The following FAM149B1 variants were observed in gnomAD, a reference collection of about 807,000 sequenced individuals.
FAM149B1 encodes the protein family with sequence similarity 149 member B1.
A neutral mutation model predicts 75.3 loss-of-function variants in FAM149B1; 56 were observed. The observed-to-expected ratio is 0.74, with a 90% CI of 0.60 to 0.93. The LOEUF (loss-of-function observed/expected upper bound fraction) is 0.93. Ranked by LOEUF, FAM149B1 falls within the 40% of genes least tolerant of loss-of-function variation. The probability of loss-of-function intolerance (pLI) is 0.00; values close to 1 mark genes in which losing one functional copy is unlikely to be tolerated. For missense variants in FAM149B1, 639 were observed against 708.4 expected, an observed-to-expected ratio of 0.90 and a Z score of 1.11; for synonymous variants, 259 against 256.1, an observed-to-expected ratio of 1.01 and a Z score of -0.11.
intron 5 of FAM149B1, among the ~76,000 whole-genome samples, chr10:73,194,520 G>A (rs769505022): frequency 2.0e-5 from 3 of 151,788 alleles, no homozygotes; most frequent in Non-Finnish European, 4.4e-5. Flanking sequence ...AGCCTCCCGA[G>A]TAGCTGGGAC....
chr10:73,233,209 AC>A, intron 10 of FAM149B1, 46 bp downstream of exon 10: 1 of 1,232,314 alleles, frequency 8.1e-7, no homozygotes, highest in Non-Finnish European at 1.2e-6. Context: ...TAAAACTAAC[AC>A]ATTTTACATA....
chr10:73,237,522 C>T (rs1312355454), intron 12 of FAM149B1, among the ~76,000 whole-genome samples: 1 of 151,414 alleles, frequency 6.6e-6, no homozygotes, highest in Non-Finnish European at 1.5e-5. Flanking sequence ...TGGGTTCAAT[C>T]GATTCTCCTG....
In FAM149B1 at chr10:73,243,204, C is replaced by T; in HGVS notation, c.*2185C>T. On this transcript the variant is annotated 3_prime_UTR_variant, in exon 14 of 14. Coordinates refer to ENST00000242505, the MANE Select transcript of FAM149B1 (RefSeq NM_173348.2). ...CCAAGTTCCTTCAGGTGAGACCTCA[C>T]ACAATGTCAAGTGCTTTCTAGGAAA... is the stretch of plus-strand genomic sequence containing the variant. 6 of 589,086 alleles carry T rather than the reference C, an allele frequency of 1.0e-5. No individual in the cohort carries two copies. Among genetic ancestry groups the T allele is most frequent in the Non-Finnish European group, 1.8e-5 (6 of 342,390 alleles). 36.5% of individuals were successfully genotyped at this position (589,086 alleles called of 1,614,324 possible).
At chr10:73,205,823 A>T (rs2043042323) in intron 5 of FAM149B1, among the ~76,000 whole-genome samples, 1 of 152,142 alleles carries the variant, frequency 6.6e-6, no homozygotes, top group African/African-American at 2.4e-5. Flanking sequence ...AAGTGCTGGG[A>T]TTATAGGTGT....
chr10:73,224,967 AAG>A (rs1330686864), intron 7 of FAM149B1, among the ~76,000 whole-genome samples: 15 of 152,316 alleles, frequency 9.8e-5, no homozygotes, highest in African/African-American at 3.6e-4. Context: ...ATGGTCTCAT[AAG>A]ATTATAATGG....
intron 10 of FAM149B1, 35 bp downstream of exon 10, chr10:73,233,198 GT>G: frequency 7.2e-7 from 1 of 1,392,138 alleles, no homozygotes; most frequent in Non-Finnish European, 1.0e-6. Context: ...GGAAACCGTG[GT>G]AAAACTAACA....
intron 7 of FAM149B1, among the ~76,000 whole-genome samples, chr10:73,213,177 G>T (rs2043225736): frequency 6.6e-6 from 1 of 151,896 alleles, no homozygotes; most frequent in Admixed American, 6.6e-5. Flanking sequence ...TTTTAAATAG[G>T]GTTATTTATT....
At chr10:73,170,837 G>A (rs538785363) in intron 1 of FAM149B1, among the ~76,000 whole-genome samples, 12 of 151,974 alleles carry the variant, frequency 7.9e-5, no homozygotes, top group Non-Finnish European at 1.6e-4. Flanking sequence ...AAGTGACTGA[G>A]GTTTAGCTAA....
At chr10:73,200,627 A>T in intron 5 of FAM149B1, 1 of 631,104 alleles carries the variant, frequency 1.6e-6, no homozygotes, top group Non-Finnish European at 2.7e-6. Flanking sequence ...ATTAAATACA[A>T]GTATTTAGGT....
intron 3 of FAM149B1, among the ~76,000 whole-genome samples, chr10:73,184,176 AC>A (rs1170375511): frequency 6.6e-6 from 1 of 152,202 alleles, no homozygotes; most frequent in East Asian, 1.9e-4. Flanking sequence ...AGATGCAAAA[AC>A]TGCTTGAATT....
At chr10:73,173,774 A>G (rs192118276) in intron 1 of FAM149B1, among the ~76,000 whole-genome samples, 1 of 152,240 alleles carries the variant, frequency 6.6e-6, no homozygotes, top group African/African-American at 2.4e-5. Flanking sequence ...AATTTTTTCG[A>G]TATTTCTAGG....
At chr10:73,232,226 A>G (rs2043722999) in intron 9 of FAM149B1, among the ~76,000 whole-genome samples, 4 of 152,134 alleles carry the variant, frequency 2.6e-5, no homozygotes, top group Non-Finnish European at 5.9e-5. Flanking sequence ...AAAGAAAAAA[A>G]AATACACACC....
intron 3 of FAM149B1, among the ~76,000 whole-genome samples, chr10:73,180,734 T>G (rs1161229032): frequency 2.0e-5 from 3 of 152,228 alleles, no homozygotes; most frequent in Admixed American, 6.5e-5. Context: ...TTCCTTCAGG[T>G]GTTTATCCTT....
Position 73,208,603 on chromosome 10 carries a change from T to C in FAM149B1, c.543-16T>C, listed in dbSNP as rs1234921537. ...TGTTTACATAATTAATATTTACTTC[T>C]TTTTTCCACTCCAAGATTTGGTATA... is the stretch of plus-strand genomic sequence containing the variant. On this transcript the variant is annotated splice_polypyrimidine_tract_variant and intron_variant, in intron 5 of 13. Coordinates refer to ENST00000242505, the MANE Select transcript of FAM149B1 (RefSeq NM_173348.2). The C allele has an allele frequency of 4.7e-6, 7 of 1,474,054 alleles. No homozygotes were observed. Among genetic ancestry groups the C allele is most frequent in the Non-Finnish European group, 6.4e-6 (7 of 1,098,930 alleles). 91.3% of individuals were successfully genotyped at this position (1,474,054 alleles called of 1,614,324 possible). A position where few individuals can be genotyped will look rare whatever the true frequency, so the allele number is the denominator to read the frequency against.
chr10:73,237,319 A>G (rs1027924432), intron 12 of FAM149B1, among the ~76,000 whole-genome samples: 1 of 152,240 alleles, frequency 6.6e-6, no homozygotes, highest in South Asian at 2.1e-4. Context: ...TGAACCCCAG[A>G]AAGTTTGAGA....
chr10:73,209,268 G>A (rs1313612773), intron 6 of FAM149B1, among the ~76,000 whole-genome samples: 1 of 152,138 alleles, frequency 6.6e-6, no homozygotes, highest in Non-Finnish European at 1.5e-5. Context: ...GGCCAACATG[G>A]TGAAACCCCA....
chr10:73,174,831 C>G lies in FAM149B1; in HGVS notation c.152+40C>G, dbSNP rs189512887. On this transcript the variant is annotated intron_variant, in intron 2 of 13. Transcript: ENST00000242505. ...TGTACTTGTTTACTTATTGCACTTG[C>G]TCATGGCAGAGGTTTTGTTTTTTGG... The G allele has an allele frequency of 1.2e-4, 158 of 1,359,124 alleles. 1 individual carries two copies. Among genetic ancestry groups the G allele is most frequent in the Non-Finnish European group, 1.5e-4 (150 of 972,020 alleles). 84.2% of individuals were successfully genotyped at this position (1,359,124 alleles called of 1,614,324 possible).
At chr10:73,230,052 G>A (rs1481194091) in intron 8 of FAM149B1, among the ~76,000 whole-genome samples, 1 of 152,144 alleles carries the variant, frequency 6.6e-6, no homozygotes, top group Non-Finnish European at 1.5e-5. Flanking sequence ...AAGAGATTAA[G>A]TTACAGTTTC....
Position 73,221,875 on chromosome 10 carries a change from T to C in FAM149B1, c.899-6185T>C, listed in dbSNP as rs577454478. ...TCATTCTGGGCAATTGCTATTGTTA[T>C]GCCATCAGTGTTCATTATCTTTTCT... is the stretch of plus-strand genomic sequence containing the variant. On this transcript the variant is annotated intron_variant, in intron 7 of 13. Transcript: ENST00000242505. 2.6e-5 allele frequency among the ~76,000 whole-genome samples: 4 copies of C among 152,316 alleles called. No individual in the cohort carries two copies. In the South Asian group the frequency reaches 8.3e-4, roughly 32 times the overall value.
Sources: gnomAD v4.1 joint callset for allele counts (sites outside exome capture counted in the v4.1 genomes callset) on GRCh38, gnomAD v4.1.1 for gene constraint, MANE v1.5 for transcripts, NCBI Gene and HGNC (gene_info 2026-07-23, HGNC 2026-07-21) for gene names.